STAU1: variants seen among roughly 807,000 people sequenced by gnomAD.
STAU1 encodes staufen double-stranded RNA binding protein 1, also known as double-stranded RNA-binding protein Staufen homolog 1.
In STAU1, 13 loss-of-function variants were observed where a neutral mutation model predicts 62.9. The ratio of observed to expected loss-of-function variants is 0.21; its 90% CI spans 0.13 to 0.33. The LOEUF is 0.33. STAU1 is among the 10% of genes least tolerant of loss of function. The pLI is 1.00. For synonymous variants in STAU1, 269 were observed against 265.1 expected (o/e 1.01, Z -0.14); for missense variants, 571 against 712.1 (o/e 0.80, Z 2.25).
the STAU1 span, among the ~76,000 whole-genome samples, chr20:49,203,718 G>A: frequency 6.6e-6 from 1 of 152,008 alleles, no homozygotes; most frequent in African/African-American, 2.4e-5. Context: ...ACGGAGTCTC[G>A]CTCTGCTGCC....
At chr20:49,202,775 A>G in the STAU1 span, among the ~76,000 whole-genome samples, 2 of 151,800 alleles carry the variant, frequency 1.3e-5, no homozygotes, top group African/African-American at 2.4e-5. Flanking sequence ...TCCGTGGCTC[A>G]ACGCCTGTAG....
chr20:49,151,174 C>G (rs1248463276), intron 5 of STAU1, among the ~76,000 whole-genome samples: 4 of 152,152 alleles, frequency 2.6e-5, no homozygotes, highest in African/African-American at 9.7e-5. Flanking sequence ...TCTATATAAT[C>G]AAGAGTGGCT....
At chr20:49,172,075 C>A (rs1002348459) in intron 2 of STAU1, among the ~76,000 whole-genome samples, 2 of 152,184 alleles carry the variant, frequency 1.3e-5, no homozygotes, top group Non-Finnish European at 2.9e-5. Flanking sequence ...TTTGCACTTG[C>A]AATACAAGTG....
In STAU1 at chr20:49,135,942, A is replaced by G. The variant is rs530786346; in HGVS notation, c.511-11T>C. The G allele has an allele frequency of 3.1e-6, 5 of 1,603,914 alleles. No homozygotes were observed. The highest frequency in any genetic ancestry group is 2.7e-5 in the African/African-American group (2 of 74,844). On this transcript the variant is annotated splice_polypyrimidine_tract_variant and intron_variant, in intron 5 of 13. Transcript: ENST00000371856. ...TTCTCTTCCATTCACCTGTAAGAAT[A>G]ATTGTTTAGTAGTTAGCTCTTATTA... is the stretch of plus-strand genomic sequence containing the variant.
At position 49,159,376 on chromosome 20, in the gene STAU1, A is replaced by T. The variant is rs2093416210; in HGVS notation, c.206-5305T>A. 2.6e-5 allele frequency among the ~76,000 whole-genome samples: 4 copies of T among 152,170 alleles called. No individual in the cohort carries two copies. The South Asian group carries it at 8.3e-4, about 32-fold the overall frequency. On this transcript the variant is annotated intron_variant, in intron 3 of 13. Transcript: ENST00000371856. ...CTTTGAACAACTTGTGGGTAAAAAG[A>T]AAATATGCGGTTAGAGATGAACACA...
the STAU1 span, among the ~76,000 whole-genome samples, chr20:49,216,038 AGAAGAAGAAG>A: frequency 6.9e-6 from 1 of 145,406 alleles, no homozygotes; most frequent in Non-Finnish European, 1.5e-5. Flanking sequence ...AAAAAAAAGA[AGAAGAAGAAG>A]AAAAAAAAAG....
intron 1 of STAU1, among the ~76,000 whole-genome samples, chr20:49,187,402 G>A (rs552722611): frequency 6.6e-6 from 1 of 152,184 alleles, no homozygotes; most frequent in African/African-American, 2.4e-5. Context: ...CTGGACATGG[G>A]CACGCGGAAC....
At chr20:49,118,508 T>A in intron 9 of STAU1, 100 bp from the exon 10 acceptor site, 1 of 932,480 alleles carries the variant, frequency 1.1e-6, no homozygotes. Flanking sequence ...CAGTCAGCAA[T>A]AACTGTGGCA....
At chr20:49,194,625 T>A in the STAU1 span, among the ~76,000 whole-genome samples, 1 of 151,976 alleles carries the variant, frequency 6.6e-6, no homozygotes, top group East Asian at 1.9e-4. Context: ...TCGCCCAGAC[T>A]GCAGTGCAGT....
At chr20:49,176,920 T>G (rs1436863612) in intron 1 of STAU1, among the ~76,000 whole-genome samples, 1 of 151,594 alleles carries the variant, frequency 6.6e-6, no homozygotes, top group African/African-American at 2.4e-5. Context: ...TAGTTTTTTT[T>G]TTTTTTTTTG....
At chr20:49,178,143 C>A (rs1227827354) in intron 1 of STAU1, among the ~76,000 whole-genome samples, 1 of 152,306 alleles carries the variant, frequency 6.6e-6, no homozygotes, top group Middle Eastern at 3.4e-3. Flanking sequence ...CACCACTGCA[C>A]TCCAGCCTAG....
intron 3 of STAU1, chr20:49,159,085 G>A (rs926384925): frequency 5.7e-5 from 69 of 1,219,334 alleles, no homozygotes; most frequent in Middle Eastern, 2.3e-4. Flanking sequence ...AGCCTGCAAC[G>A]CAGTACAATC....
intron 7 of STAU1, 120 bp from the exon 8 acceptor site, chr20:49,123,355 C>A (rs979934962): frequency 5.0e-6 from 6 of 1,194,008 alleles, no homozygotes; most frequent in Non-Finnish European, 7.2e-6. Flanking sequence ...GCTCAGAATT[C>A]GATTTTTTTT....
chr20:49,134,836 A>G lies in STAU1; in HGVS notation c.609+997T>C, dbSNP rs1295680849. The G allele has an allele frequency of 2.0e-6, 3 of 1,520,334 alleles. No homozygotes were observed. In the Admixed American group the frequency reaches 5.0e-5, roughly 25 times the overall value. 94.2% of individuals were successfully genotyped at this position (1,520,334 alleles called of 1,614,324 possible). On this transcript the variant is annotated intron_variant, in intron 6 of 13. Coordinates refer to ENST00000371856, the MANE Select transcript of STAU1 (RefSeq NM_017453.4). ...TTCCACTTCACGCAATTTATACCAA[A>G]CCTGCAAACAAACAGGAAGATGAAG...
intron 3 of STAU1, among the ~76,000 whole-genome samples, chr20:49,156,767 A>C (rs191509051): frequency 6.6e-6 from 1 of 152,294 alleles, no homozygotes; most frequent in East Asian, 1.9e-4. Context: ...GTCATGGTTT[A>C]AGAGGCCTGG....
At chr20:49,167,201 T>TACA (rs1878241503) in intron 2 of STAU1, among the ~76,000 whole-genome samples, 1 of 151,100 alleles carries the variant, frequency 6.6e-6, no homozygotes, top group African/African-American at 2.4e-5. Context: ...TGAAAATGTT[T>TACA]TTAATGAGTC....
chr20:49,165,328 C>A (rs2093508897), intron 3 of STAU1, among the ~76,000 whole-genome samples: 1 of 151,228 alleles, frequency 6.6e-6, no homozygotes, highest in Non-Finnish European at 1.5e-5. Context: ...CAGGCGTGAG[C>A]CACCGCGCCC....
At chr20:49,137,733 T>C (rs2092919211) in intron 5 of STAU1, among the ~76,000 whole-genome samples, 2 of 152,018 alleles carry the variant, frequency 1.3e-5, no homozygotes, top group Non-Finnish European at 2.9e-5. Context: ...TGGCATGACC[T>C]TGGATCACTG....
chr20:49,210,507 T>C, the STAU1 span: 2 of 455,988 alleles, frequency 4.4e-6, no homozygotes, highest in Non-Finnish European at 8.8e-6. Context: ...TTTCTGGTAG[T>C]GGTGGGGGAA....
Sources: allele counts gnomAD v4.1 joint callset (sites outside exome capture counted in the v4.1 genomes callset), GRCh38; gene constraint gnomAD v4.1.1; transcripts MANE v1.5; gene names NCBI Gene and HGNC (gene_info 2026-07-23, HGNC 2026-07-21).